Variants in PKD2 observed in about 807,000 individuals in gnomAD.
PKD2 encodes the protein polycystin-2.
A neutral mutation model predicts 105.9 loss-of-function variants in PKD2; 48 were observed. The observed-to-expected ratio is 0.45, with a 90% confidence interval of 0.36 to 0.58. The LOEUF (loss-of-function observed/expected upper bound fraction) is 0.58. Among genes scored for constraint, PKD2 ranks in the 20% least tolerant of loss-of-function variants. The probability of loss-of-function intolerance (pLI) is 0.00; values close to 1 mark genes in which losing one functional copy is unlikely to be tolerated. For missense variants in PKD2, 1,078 were observed against 1,255.3 expected (o/e 0.86, Z 2.13); for synonymous variants, 464 against 481.1 (o/e 0.96, Z 0.46).
At chr4:88,069,514 T>G (rs562692443) in intron 13 of PKD2, among the ~76,000 whole-genome samples, 1 of 152,196 alleles carries the variant, frequency 6.6e-6, no homozygotes, top group Non-Finnish European at 1.5e-5. Context: ...ATATATTAAC[T>G]GAATCCAGTG....
In PKD2 at chr4:88,008,221, C is replaced by T; in HGVS notation, c.488C>T (p.Pro163Leu). The T allele has an allele frequency of 7.1e-7, 1 of 1,410,658 alleles. No homozygotes were observed. Among genetic ancestry groups the T allele is most frequent in the South Asian group, 1.5e-5 (1 of 66,490 alleles). The allele number at this position is 1,410,658 out of a possible 1,614,324, so 87.4% of individuals were successfully genotyped here. The change falls in exon 1 of 15, where the codon CCG becomes CTG. Residue 163 changes from proline to leucine, a missense_variant. Pro to Leu is a moderately conservative substitution (Grantham distance 98). Coordinates refer to ENST00000237596, the MANE Select transcript of PKD2 (RefSeq NM_000297.4). ...CGCCGGCGAGAGGACCAGGGCCCGC[C>T]GTGCCCCAGCCCAGTCGGCGGCGGG... ...RRRRREDQGP[P>L]CPSPVGGGDP...
chr4:88,008,089 G>C lies in PKD2; in HGVS notation c.356G>C (p.Arg119Pro), dbSNP rs748654180. Residue 119 changes from arginine to proline, a missense_variant, in exon 1 of 15, where the codon CGC becomes CCC. Arg to Pro is a moderately radical substitution (Grantham distance 103). Coordinates refer to ENST00000237596, the MANE Select transcript of PKD2 (RefSeq NM_000297.4). ...GTGGTGGAGATGGACGTAGAGTGGCGCCCGGGCAGCCGGAGGTCGGCCGCC... is the reference window on the plus strand; with the variant it reads ...GTGGTGGAGATGGACGTAGAGTGGCCCCCGGGCAGCCGGAGGTCGGCCGCC... ...GMVVEMDVEWRPGSRRSAASS... is the reference protein window; with the variant it reads ...GMVVEMDVEWPPGSRRSAASS... 6 of 1,518,072 alleles carry C rather than the reference G, an allele frequency of 4.0e-6. No individual in the cohort carries two copies. Among genetic ancestry groups the C allele is most frequent in the Non-Finnish European group, 5.3e-6 (6 of 1,138,178 alleles). 94.0% of individuals were successfully genotyped at this position (1,518,072 alleles called of 1,614,324 possible).
chr4:88,057,436 C>CTTTTTTTTT, intron 8 of PKD2, among the ~76,000 whole-genome samples: 1 of 134,366 alleles, frequency 7.4e-6, no homozygotes, highest in Non-Finnish European at 1.6e-5. Context: ...ATTGTATTTT[C>CTTTTTTTTT]TTTTTTTTTT....
intron 13 of PKD2, among the ~76,000 whole-genome samples, chr4:88,070,672 ACCCAGGCTGGAGTACAGTGGTGTAATCAT>A (rs1195814221): frequency 1.3e-5 from 2 of 150,046 alleles, no homozygotes; most frequent in Admixed American, 1.3e-4. Context: ...TCACTCCATC[ACCCAGGCTGGAGTACAGTGGTGTAATCAT>A]GGCTCTCTAC....
rs142516451 is a variant in PKD2, at chr4:88,066,116, A to G, written c.2358+237A>G. Among the ~76,000 whole-genome samples the G allele has an allele frequency of 5.1e-3, 776 of 152,324 alleles. 6 individuals are homozygous for G. The highest frequency in any genetic ancestry group is 0.044 in the Middle Eastern group (13 of 294). On this transcript the variant is annotated intron_variant, in intron 12 of 14. Coordinates refer to ENST00000237596, the MANE Select transcript of PKD2 (RefSeq NM_000297.4). ...AAAAACGTCAAAATGAAAAGCAAGCAAAACAAAAGTAAAAATAATGGATTA... is the reference window on the plus strand; with the variant it reads ...AAAAACGTCAAAATGAAAAGCAAGCGAAACAAAAGTAAAAATAATGGATTA...
chr4:88,033,629 T>A (rs749640842), intron 2 of PKD2, among the ~76,000 whole-genome samples: 14 of 152,154 alleles, frequency 9.2e-5, no homozygotes, highest in Non-Finnish European at 1.9e-4. Flanking sequence ...AATAAAGAGA[T>A]AAATTTTCAA....
At position 88,076,944 on chromosome 4, in the gene PKD2, A is replaced by G. The variant is rs971004998; in HGVS notation, c.*1250A>G. On this transcript the variant is annotated 3_prime_UTR_variant, in exon 15 of 15. Transcript: ENST00000237596. ...AAAGAGGTTTTGGTATTAAAAGTTC[A>G]TACATTAGACAGTATCAGCCAAAAT... The G allele has an allele frequency of 7.2e-5, 11 of 152,246 alleles. No individual in the cohort carries two copies. The highest frequency in any genetic ancestry group is 1.6e-4 in the Non-Finnish European group (11 of 68,050). 9.4% of individuals were successfully genotyped at this position (152,246 alleles called of 1,614,324 possible).
At position 88,016,056 on chromosome 4, in the gene PKD2, G is replaced by A. The variant is rs575341638; in HGVS notation, c.596-3402G>A. On this transcript the variant is annotated intron_variant, in intron 1 of 14. Coordinates refer to ENST00000237596, the MANE Select transcript of PKD2 (RefSeq NM_000297.4). ...CAGGCAATCTAGATTCTTCACATGC[G>A]CAGTTCACAATAGGGTTCTCACTCC... Among the ~76,000 whole-genome samples the A allele has an allele frequency of 4.6e-4, 70 of 152,232 alleles. No homozygotes were observed. The South Asian group carries it at 9.3e-3, about 20-fold the overall frequency.
Position 88,075,442 on chromosome 4 carries a change from C to T in PKD2, c.2671-16C>T, listed in dbSNP as rs1443737969. 2 of 1,599,020 alleles carry T rather than the reference C, an allele frequency of 1.3e-6. No individual in the cohort carries two copies. Among genetic ancestry groups the T allele is most frequent in the South Asian group, 1.1e-5 (1 of 90,796 alleles). On this transcript the variant is annotated splice_polypyrimidine_tract_variant and intron_variant, in intron 14 of 14. Coordinates refer to ENST00000237596, the MANE Select transcript of PKD2 (RefSeq NM_000297.4). ...CTTCTACTGCCCCCAACACCAGTTT[C>T]TTTTTCCCTTTTTAGGATGAAAGGC...
intron 1 of PKD2, among the ~76,000 whole-genome samples, chr4:88,014,716 G>C (rs755095699): frequency 6.6e-6 from 1 of 152,162 alleles, no homozygotes; most frequent in Non-Finnish European, 1.5e-5. Context: ...TGAGAATTTG[G>C]TCAGGCTATC....
At chr4:88,050,028 A>G (rs6845636) in intron 6 of PKD2, among the ~76,000 whole-genome samples, 45,591 of 142,470 alleles carry the variant, frequency 0.32, 10,829 homozygotes, top group African/African-American at 0.67. Context: ...AGACTGGAGT[A>G]CAGTGGCACC....
intron 5 of PKD2, among the ~76,000 whole-genome samples, chr4:88,044,620 G>T (rs1283173335): frequency 5.9e-5 from 9 of 152,136 alleles, no homozygotes; most frequent in Admixed American, 5.2e-4. Flanking sequence ...TCTTGGGGAT[G>T]GGACCCAAGT....
chr4:88,035,967 T>C (rs761735524), intron 2 of PKD2: 32 of 518,964 alleles, frequency 6.2e-5, no homozygotes, highest in South Asian at 4.0e-4. Context: ...TGATCTTACA[T>C]TGATACTCAA....
At chr4:88,072,056 C>T (rs1721057898) in intron 13 of PKD2, among the ~76,000 whole-genome samples, 1 of 146,874 alleles carries the variant, frequency 6.8e-6, no homozygotes, top group Admixed American at 7.0e-5. Context: ...AGTCTCAGCT[C>T]ACTGCAGCCT....
intron 13 of PKD2, among the ~76,000 whole-genome samples, chr4:88,071,060 CCT>C (rs1491319560): frequency 7.1e-6 from 1 of 140,956 alleles, no homozygotes; most frequent in Non-Finnish European, 1.5e-5. Flanking sequence ...ATCATAACTT[CCT>C]TTTTTTTTTA....
At chr4:88,037,377 A>C (rs1455287149) in intron 3 of PKD2, among the ~76,000 whole-genome samples, 1 of 152,234 alleles carries the variant, frequency 6.6e-6, no homozygotes, top group Non-Finnish European at 1.5e-5. Flanking sequence ...ACCACAGGAA[A>C]AATATTAAAC....
chr4:88,048,177 G>A (rs1254548255), intron 6 of PKD2, among the ~76,000 whole-genome samples: 1 of 152,090 alleles, frequency 6.6e-6, no homozygotes, highest in Non-Finnish European at 1.5e-5. Context: ...CCTTCCCACT[G>A]TCCTATGATA....
chr4:88,019,739 A>G lies in PKD2; in HGVS notation c.709+168A>G, dbSNP rs556711998. Among the ~76,000 whole-genome samples the G allele has an allele frequency of 7.9e-5, 12 of 152,314 alleles. No homozygotes were observed. The South Asian group carries it at 8.3e-4, about 11-fold the overall frequency. Reference sequence around the variant, plus strand: ...TTATTTGGGCATTTGTTTATTGACTATCTTCCTATGGTAGAATGCAAGCTT... The same window carrying G: ...TTATTTGGGCATTTGTTTATTGACTGTCTTCCTATGGTAGAATGCAAGCTT... On this transcript the variant is annotated intron_variant, in intron 2 of 14. Coordinates refer to ENST00000237596, the MANE Select transcript of PKD2 (RefSeq NM_000297.4).
intron 13 of PKD2, among the ~76,000 whole-genome samples, chr4:88,070,405 A>G (rs1440554857): frequency 1.3e-5 from 2 of 151,824 alleles, no homozygotes; most frequent in East Asian, 1.9e-4. Flanking sequence ...GCTTAGGGGT[A>G]TCACATATTT....
Sources: allele counts gnomAD v4.1 joint callset (sites outside exome capture counted in the v4.1 genomes callset), GRCh38; gene constraint gnomAD v4.1.1; transcripts MANE v1.5; gene names NCBI Gene and HGNC (gene_info 2026-07-23, HGNC 2026-07-21).